The following LETM2 variants were observed in gnomAD, a reference collection of about 807,000 sequenced individuals.
The protein encoded by LETM2 is leucine zipper and EF-hand containing transmembrane protein 2, also known as LETM1 domain-containing protein LETM2, mitochondrial.
In LETM2, 58 loss-of-function variants were observed where a neutral mutation model predicts 59.6. The ratio of observed to expected loss-of-function variants is 0.97; its 90% CI spans 0.79 to 1.21. LETM2 has a LOEUF of 1.21. Ranked by LOEUF, LETM2 falls within the 50% of genes most tolerant of loss-of-function variation. The probability of loss-of-function intolerance (pLI) is 0.00; values close to 1 mark genes in which losing one functional copy is unlikely to be tolerated. For synonymous variants in LETM2, 199 were observed against 214.1 expected, an observed-to-expected ratio of 0.93 and a Z score of 0.62; for missense variants, 572 against 575.7, an observed-to-expected ratio of 0.99 and a Z score of 0.07.
At chr8:38,391,212 C>CAAAAAAA (rs1381418029) in intron 2 of LETM2, among the ~76,000 whole-genome samples, 1 of 120,098 alleles carries the variant, frequency 8.3e-6, no homozygotes, top group African/African-American at 3.1e-5. Context: ...AAAAAAAAAC[C>CAAAAAAA]AAAAAACTGA....
chr8:38,404,595 G>A (rs1813558315), intron 8 of LETM2, 89 bp downstream of exon 8: 1 of 836,174 alleles, frequency 1.2e-6, no homozygotes, highest in African/African-American at 1.7e-5. Flanking sequence ...GTTAGAGCAG[G>A]CATTTCTTTT....
intron 3 of LETM2, 165 bp from the exon 4 acceptor site, chr8:38,393,933 T>C (rs1812491204): frequency 6.2e-6 from 3 of 485,072 alleles, no homozygotes; most frequent in Admixed American, 3.9e-5. Flanking sequence ...GGTGGAAGGA[T>C]TGCGTGAGCC....
At chr8:38,382,758 G>T (rs1384027585), upstream of LETM2, 1 of 152,346 alleles carries the variant, frequency 6.6e-6, no homozygotes, top group South Asian at 2.1e-4. The surrounding 1 kb of genome is among the most constrained non-coding windows in gnomAD (Gnocchi z 4.2). Flanking sequence ...CCCCTCGGCC[G>T]TCTCCCGTCC....
chr8:38,387,804 T>C (rs1811889341), intron 1 of LETM2, 146 bp from the exon 2 acceptor site: 1 of 546,042 alleles, frequency 1.8e-6, no homozygotes, highest in Middle Eastern at 3.9e-4. Flanking sequence ...AAATATCTGA[T>C]TGTTGGAAAT....
chr8:38,400,021 A>C (rs1288146762), intron 4 of LETM2, among the ~76,000 whole-genome samples: 2 of 151,976 alleles, frequency 1.3e-5, no homozygotes, highest in Non-Finnish European at 2.9e-5. Flanking sequence ...CCATTGGGGG[A>C]ACATTTTGGA....
In LETM2 at chr8:38,392,701, A is replaced by C. The variant is rs1812392449; in HGVS notation, c.207A>C (p.Pro69=). ...AGCCAGGCAATACAGTACTTCACCC[A>C]GGAACTAGACTAATACAAAAGCTAC... is the stretch of plus-strand genomic sequence containing the variant. ...PSQPGNTVLH[P]GTRLIQKLHT... is the part of the protein sequence containing the mutation. Residue 69 remains proline (P), a synonymous_variant, in exon 3 of 11, where the codon CCA becomes CCC. Transcript: ENST00000379957. The C allele has an allele frequency of 1.9e-6, 3 of 1,614,100 alleles. No individual in the cohort carries two copies. Among genetic ancestry groups the C allele is most frequent in the African/African-American group, 2.7e-5 (2 of 74,948 alleles).
In LETM2 at chr8:38,400,385, A is replaced by C; in HGVS notation, c.759A>C (p.Thr253=). The change falls in exon 5 of 11, where the codon ACA becomes ACC. Residue 253 remains threonine (T), a synonymous_variant. Transcript: ENST00000379957. ...GAGCCAAGATGGGCGATGCCTCTAC[A>C]CAGCTCTCATCCTACGTGAAGCAGG... ...RNRAKMGDAS[T]QLSSYVKQVQ... 6.2e-7 allele frequency: 1 copy of C among 1,606,980 alleles called. No homozygotes were observed. The highest frequency in any genetic ancestry group is 8.5e-7 in the Non-Finnish European group (1 of 1,177,634).
upstream of LETM2, chr8:38,382,850 G>C (rs1315875366): frequency 6.6e-6 from 1 of 152,266 alleles, no homozygotes; most frequent in African/African-American, 2.4e-5. This position sits in a 1 kb window ranked among gnomAD's most constrained non-coding sequence, Gnocchi z 4.2. Context: ...CCTTGGCGTC[G>C]TCTCCCTCTC....
rs183119694 is a variant in LETM2 at position 38,399,316 on chromosome 8, A to G, written c.646-956A>G. Among the ~76,000 whole-genome samples, 195 of 152,324 alleles carry G rather than the reference A, an allele frequency of 1.3e-3. 1 individual carries two copies. Among genetic ancestry groups the G allele is most frequent in the African/African-American group, 4.3e-3 (180 of 41,566 alleles). On this transcript the variant is annotated intron_variant, in intron 4 of 10. Transcript: ENST00000379957. ...GTGCTGTGTTCATGTCTGTTAGAGC[A>G]CTTAACTCACTGTATTGTAATTACT...
At chr8:38,402,868 A>G (rs1006773584) in intron 7 of LETM2, among the ~76,000 whole-genome samples, 1 of 152,210 alleles carries the variant, frequency 6.6e-6, no homozygotes, top group African/African-American at 2.4e-5. Flanking sequence ...TTAGTGGCTT[A>G]AAACAACACT....
In LETM2 at chr8:38,392,654, A is replaced by G. The variant is rs1338612073; in HGVS notation, c.160A>G (p.Lys54Glu). The G allele has an allele frequency of 6.2e-7, 1 of 1,614,042 alleles. No individual in the cohort carries two copies. The highest frequency in any genetic ancestry group is 8.5e-7 in the Non-Finnish European group (1 of 1,180,014). The stretch of plus-strand genomic sequence containing the variant: ...GACATGTATGAAGAACTATGAGAGC[A>G]AGAAGTACTCGGATCCTAGTCAGCC... ...NKTCMKNYES[K>E]KYSDPSQPGN... The change falls in exon 3 of 11, where the codon AAG (lysine) becomes GAG (glutamate). Residue 54 changes from lysine (K) to glutamate (E), a missense_variant. Transcript: ENST00000379957.
chr8:38,383,409 G>C (rs1372025637), upstream of LETM2: 1 of 152,174 alleles, frequency 6.6e-6, no homozygotes, highest in African/African-American at 2.4e-5. Flanking sequence ...AAGCAAATGA[G>C]GAAACCGATA....
In LETM2 at chr8:38,408,507, C is replaced by T. The variant is rs556502339; in HGVS notation, c.*233C>T. The T allele has an allele frequency of 1.3e-5, 6 of 444,744 alleles. No individual in the cohort carries two copies. Among genetic ancestry groups the T allele is most frequent in the African/African-American group, 1.2e-4 (6 of 49,990 alleles). 27.5% of individuals were successfully genotyped at this position (444,744 alleles called of 1,614,324 possible). ...AGTCCCATTTCCTCTGTACCATTGT[C>T]ACCCCACTCAACTTTGTATAAAGCC... On this transcript the variant is annotated 3_prime_UTR_variant, in exon 11 of 11. Transcript: ENST00000379957.
chr8:38,394,153 T>C lies in LETM2; in HGVS notation c.557T>C (p.Ile186Thr). Reference protein sequence around the residue: ...FRLVPFMVFLIVPFMEFLLPV... With the variant: ...FRLVPFMVFLTVPFMEFLLPV... ...CTGGTTCCATTTATGGTGTTCTTAA[T>C]TGTACCCTTCATGGAATTCTTATTA... Residue 186 changes from isoleucine (I) to threonine (T), a missense_variant, in exon 4 of 11, where the codon ATT becomes ACT. Coordinates refer to ENST00000379957, the MANE Select transcript of LETM2 (RefSeq NM_001286819.2). The C allele has an allele frequency of 6.6e-7, 1 of 1,518,476 alleles. No individual in the cohort carries two copies. The highest frequency in any genetic ancestry group is 8.8e-7 in the Non-Finnish European group (1 of 1,139,266). The allele number at this position is 1,518,476 out of a possible 1,614,324, so 94.1% of individuals were successfully genotyped here.
At chr8:38,395,468 T>G (rs1287628943) in intron 4 of LETM2, among the ~76,000 whole-genome samples, 1 of 152,214 alleles carries the variant, frequency 6.6e-6, no homozygotes, top group Non-Finnish European at 1.5e-5. Flanking sequence ...CCTGTGCTTA[T>G]TTACCATTTG....
At chr8:38,400,773 G>T in intron 5 of LETM2, 80 bp from the exon 6 acceptor site, 1 of 1,253,916 alleles carries the variant, frequency 8.0e-7, no homozygotes, top group Non-Finnish European at 1.1e-6. Context: ...ATGCTTTGAT[G>T]TCTCTTTCAA....
chr8:38,389,248 G>A (rs758413206), intron 2 of LETM2, among the ~76,000 whole-genome samples: 5 of 151,458 alleles, frequency 3.3e-5, no homozygotes, highest in African/African-American at 7.3e-5. Flanking sequence ...ATGAAATCTC[G>A]CTCTATTGCC....
At chr8:38,400,521 T>C (rs1003839353) in intron 5 of LETM2, 112 bp downstream of exon 5, 4 of 991,566 alleles carry the variant, frequency 4.0e-6, no homozygotes, top group Non-Finnish European at 5.9e-6. Flanking sequence ...TGCAAATATC[T>C]AAATTATGAA....
intron 4 of LETM2, chr8:38,397,118 C>T (rs975722019): frequency 1.3e-5 from 6 of 455,906 alleles, no homozygotes; most frequent in Middle Eastern, 6.5e-4. Context: ...TACTAGACAG[C>T]GTTGACAGCA....
Sources: allele counts gnomAD v4.1 joint callset (sites outside exome capture counted in the v4.1 genomes callset), GRCh38; gene constraint gnomAD v4.1.1; non-coding constraint Gnocchi (gnomAD v3.1); transcripts MANE v1.5; gene names NCBI Gene and HGNC (gene_info 2026-07-23, HGNC 2026-07-21).